Variants in ERBB4 observed in about 807,000 individuals in gnomAD.
ERBB4 encodes erb-b2 receptor tyrosine kinase 4.
A neutral mutation model predicts 158.0 loss-of-function variants in ERBB4; 42 were observed. That is an observed-to-expected ratio of 0.27 (90% CI 0.21 to 0.34). The LOEUF (loss-of-function observed/expected upper bound fraction) is 0.34, where lower values mean the gene tolerates loss of function less well. Ranked by LOEUF, ERBB4 falls within the 10% of genes least tolerant of loss-of-function variation. The pLI is 1.00. For missense variants in ERBB4, 1,333 were observed against 1,624.1 expected, an observed-to-expected ratio of 0.82 and a Z score of 3.08; for synonymous variants, 583 against 558.7, an observed-to-expected ratio of 1.04 and a Z score of -0.61.
At chr2:211,982,552 G>C (rs1177293865) in intron 2 of ERBB4, among the ~76,000 whole-genome samples, 1 of 152,170 alleles carries the variant, frequency 6.6e-6, no homozygotes. Context: ...GCTAGAGCAA[G>C]ACCGCACAGC....
intron 1 of ERBB4, among the ~76,000 whole-genome samples, chr2:212,223,346 AT>A: frequency 6.8e-6 from 1 of 147,270 alleles, no homozygotes; most frequent in African/African-American, 2.5e-5. Flanking sequence ...ATATATATAT[AT>A]ATAAAATTGT....
Position 211,850,815 on chromosome 2 carries a change from T to C in ERBB4, c.422-62656A>G, listed in dbSNP as rs899939669. Reference sequence around the variant, plus strand: ...TACAGACAGGTAAGACAGCACTATCTAAAATTATTTTTCTTTTTATTAGAA... The same window carrying C: ...TACAGACAGGTAAGACAGCACTATCCAAAATTATTTTTCTTTTTATTAGAA... On this transcript the variant is annotated intron_variant, in intron 3 of 27. Coordinates refer to ENST00000342788, the MANE Select transcript of ERBB4 (RefSeq NM_005235.3). 2.6e-5 allele frequency among the ~76,000 whole-genome samples: 4 copies of C among 151,972 alleles called. No homozygotes were observed. In the East Asian group the frequency reaches 7.7e-4, roughly 29 times the overall value.
intron 1 of ERBB4, among the ~76,000 whole-genome samples, chr2:212,325,914 T>C (rs1009567911): frequency 3.1e-4 from 47 of 150,494 alleles, no homozygotes; most frequent in African/African-American, 1.1e-3. Flanking sequence ...ATTTTATCGG[T>C]CTAAGTATTT....
intron 2 of ERBB4, among the ~76,000 whole-genome samples, chr2:212,049,013 C>G (rs1032571622): frequency 4.6e-5 from 7 of 152,176 alleles, no homozygotes; most frequent in African/African-American, 1.7e-4. Context: ...CCTGGTAAGG[C>G]TCTAAGCAAA....
rs75536447 is a variant in ERBB4 at position 211,424,276 on chromosome 2, G to A, written c.2745C>T (p.Thr915=). 8,435 of 1,612,684 alleles carry A rather than the reference G, an allele frequency of 5.2e-3. 31 individuals carry two copies. Among genetic ancestry groups the A allele is most frequent in the Non-Finnish European group, 6.5e-3 (7,640 of 1,179,136 alleles). ...TTCCATCATAGGGTTTTCCTCCAAA[G>A]GTCATCAGTTCCCATATAGTAACTC... ...SYGVTIWELM[T]FGGKPYDGIP... The change falls in exon 23 of 28, where the codon ACC becomes ACT. Residue 915 remains threonine, a synonymous_variant. Coordinates refer to ENST00000342788, the MANE Select transcript of ERBB4 (RefSeq NM_005235.3).
At chr2:212,535,687 G>C (rs1372961334) in intron 1 of ERBB4, among the ~76,000 whole-genome samples, 1 of 152,118 alleles carries the variant, frequency 6.6e-6, no homozygotes, top group African/African-American at 2.4e-5. Context: ...CATATAAAGG[G>C]ACTTTGGCTA....
At chr2:212,131,395 T>A (rs1441762801) in intron 1 of ERBB4, among the ~76,000 whole-genome samples, 2 of 152,204 alleles carry the variant, frequency 1.3e-5, no homozygotes, top group Admixed American at 1.3e-4. Context: ...CTTTAGCTTG[T>A]AAGAATCTGT....
chr2:211,709,813 A>T (rs752120424), intron 9 of ERBB4, among the ~76,000 whole-genome samples: 82 of 152,302 alleles, frequency 5.4e-4, no homozygotes, highest in Admixed American at 1.5e-3. Context: ...AAAGTCGAGA[A>T]GCAATTTACT....
At chr2:211,707,505 G>A (rs1459082367) in intron 9 of ERBB4, among the ~76,000 whole-genome samples, 4 of 152,016 alleles carry the variant, frequency 2.6e-5, no homozygotes, top group Admixed American at 6.6e-5. Context: ...TTTTATCATC[G>A]AGTTTATTAT....
intron 2 of ERBB4, among the ~76,000 whole-genome samples, chr2:212,075,069 C>A (rs2078234283): frequency 6.6e-6 from 1 of 151,876 alleles, no homozygotes; most frequent in African/African-American, 2.4e-5. Context: ...GATAACACAT[C>A]TATTCTCTTC....
chr2:211,987,010 C>T (rs1001715298), intron 2 of ERBB4, among the ~76,000 whole-genome samples: 46 of 151,880 alleles, frequency 3.0e-4, no homozygotes, highest in Admixed American at 2.4e-3. Context: ...ATACTAGTTC[C>T]AGTCATAAAT....
chr2:211,572,009 A>G (rs1261713573), intron 19 of ERBB4, among the ~76,000 whole-genome samples: 1 of 151,712 alleles, frequency 6.6e-6, no homozygotes, highest in African/African-American at 2.4e-5. Context: ...TGGTATTTGC[A>G]TTTCTATTTT....
intron 20 of ERBB4, among the ~76,000 whole-genome samples, chr2:211,523,573 G>T (rs1167663807): frequency 6.6e-6 from 1 of 151,818 alleles, no homozygotes. Flanking sequence ...CAGGAGTTAA[G>T]CTGCAGACCT....
At chr2:212,048,500 T>C (rs1175120843) in intron 2 of ERBB4, among the ~76,000 whole-genome samples, 2 of 152,122 alleles carry the variant, frequency 1.3e-5, no homozygotes, top group African/African-American at 4.8e-5. Flanking sequence ...TGATAGTTTG[T>C]TTAGCAGTGG....
At chr2:211,636,039 C>T (rs1373328916) in intron 16 of ERBB4, among the ~76,000 whole-genome samples, 1 of 151,740 alleles carries the variant, frequency 6.6e-6, no homozygotes, top group Non-Finnish European at 1.5e-5. Context: ...GGATTTGTTG[C>T]ATCAGATGTA....
intron 3 of ERBB4, among the ~76,000 whole-genome samples, chr2:211,940,745 T>A (rs535348414): frequency 1.3e-5 from 2 of 152,086 alleles, no homozygotes; most frequent in African/African-American, 4.8e-5. Context: ...ATGATTCTAT[T>A]CCCTGAACGC....
chr2:211,469,913 G>A (rs77696315), intron 20 of ERBB4, among the ~76,000 whole-genome samples: 2 of 152,040 alleles, frequency 1.3e-5, no homozygotes, highest in South Asian at 2.1e-4. Flanking sequence ...GTGGGCTTGG[G>A]GGGGGAGATT....
At chr2:211,857,286 C>T (rs540344869) in intron 3 of ERBB4, among the ~76,000 whole-genome samples, 51 of 152,054 alleles carry the variant, frequency 3.4e-4, no homozygotes, top group Non-Finnish European at 6.6e-4. Flanking sequence ...ACTTAAATTC[C>T]TCCAATTAAA....
intron 2 of ERBB4, among the ~76,000 whole-genome samples, chr2:212,104,970 A>C (rs1458020471): frequency 2.0e-5 from 3 of 152,166 alleles, no homozygotes; most frequent in African/African-American, 7.2e-5. Context: ...AATTTGCCCA[A>C]GGTCAAATAA....
Sources: allele counts gnomAD v4.1 joint callset (sites outside exome capture counted in the v4.1 genomes callset), GRCh38; gene constraint gnomAD v4.1.1; transcripts MANE v1.5; gene names NCBI Gene and HGNC (gene_info 2026-07-23, HGNC 2026-07-21).